Variants in IPO8 observed in about 807,000 individuals in gnomAD.
The protein encoded by IPO8 is importin-8.
IPO8 carries 65 observed loss-of-function variants against 141.2 expected under a neutral mutation model. That is an observed-to-expected ratio of 0.46 (90% CI 0.38 to 0.57). The LOEUF is 0.57. IPO8 is among the 20% of genes least tolerant of loss of function. IPO8 has a pLI of 0.00. For missense variants in IPO8, 980 were observed against 1,246.8 expected (o/e 0.79, Z 3.22); for synonymous variants, 411 against 420.3 (o/e 0.98, Z 0.27).
At position 30,652,240 on chromosome 12, in the gene IPO8, T is replaced by C. The variant is rs1360716796; in HGVS notation, c.2124A>G (p.Leu708=). The C allele has an allele frequency of 1.2e-6, 2 of 1,605,788 alleles. 1 individual carries two copies. Among genetic ancestry groups the C allele is most frequent in the South Asian group, 2.2e-5 (2 of 90,774 alleles). Residue 708 remains leucine (L), a synonymous_variant, in exon 19 of 25, where the codon TTA becomes TTG. Transcript: ENST00000256079. ...TTTCTAAATGTTTTGCATTTGATAGTAAGGTATCTGTATCTATTGTCACAT... is the reference window on the plus strand; with the variant it reads ...TTTCTAAATGTTTTGCATTTGATAGCAAGGTATCTGTATCTATTGTCACAT... ...HNYVTIDTDT[L]LSNAKHLEIL... is the part of the protein sequence containing the mutation.
chr12:30,677,000 CATA>C (rs1487618810), intron 5 of IPO8: 8 of 1,518,464 alleles, frequency 5.3e-6, no homozygotes, highest in African/African-American at 2.7e-5. Flanking sequence ...TACACTGTAG[CATA>C]ATAACTACAG....
intron 20 of IPO8, among the ~76,000 whole-genome samples, chr12:30,642,865 C>A (rs939887963): frequency 3.3e-5 from 5 of 151,952 alleles, no homozygotes; most frequent in Admixed American, 1.3e-4. Flanking sequence ...AAGACAAATT[C>A]AAGAGGCTCC....
At chr12:30,656,165 T>C (rs1302359699) in intron 17 of IPO8, among the ~76,000 whole-genome samples, 1 of 152,084 alleles carries the variant, frequency 6.6e-6, no homozygotes, top group Non-Finnish European at 1.5e-5. Context: ...GCCTACAGAG[T>C]AGCTGGCACC....
intron 14 of IPO8, among the ~76,000 whole-genome samples, chr12:30,662,813 T>G (rs11051015): frequency 7.6e-4 from 116 of 152,176 alleles, no homozygotes; most frequent in Non-Finnish European, 1.4e-3. Flanking sequence ...CATGAATCAG[T>G]TCTCATGACA....
At chr12:30,648,968 G>A (rs149133254) in intron 20 of IPO8, among the ~76,000 whole-genome samples, 169 bp downstream of exon 20, 6 of 152,048 alleles carry the variant, frequency 3.9e-5, no homozygotes, top group South Asian at 2.1e-4. Flanking sequence ...TGCAAGGTAC[G>A]GTTTCCAAAC....
chr12:30,645,803 T>C (rs1055462383), intron 20 of IPO8, among the ~76,000 whole-genome samples: 17 of 151,902 alleles, frequency 1.1e-4, no homozygotes, highest in Non-Finnish European at 2.4e-4. Flanking sequence ...TAAAAAGAAA[T>C]GTAAACTACG....
At chr12:30,664,172 A>T (rs1344959516) in intron 13 of IPO8, among the ~76,000 whole-genome samples, 2 of 152,196 alleles carry the variant, frequency 1.3e-5, no homozygotes, top group African/African-American at 4.8e-5. Flanking sequence ...ATCAAACACA[A>T]TCAACAGAAA....
Position 30,662,449 on chromosome 12 carries a change from G to A in IPO8, c.1633C>T (p.Gln545Ter). 1 of 1,612,438 alleles carries A rather than the reference G, an allele frequency of 6.2e-7. No individual in the cohort carries two copies. Among genetic ancestry groups the A allele is most frequent in the South Asian group, 1.1e-5 (1 of 91,054 alleles). Residue 545 changes from glutamine to a stop codon, truncating the protein, a stop_gained, in exon 15 of 25, where the codon CAG (glutamine) becomes TAG (stop). Coordinates refer to ENST00000256079, the MANE Select transcript of IPO8 (RefSeq NM_006390.4). LOFTEE classifies it high-confidence loss of function. ...YMKPHVRPIM[Q>*]ELLHIVRETE... is the part of the protein sequence containing the mutation. ...TCTCTAACAATGTGCAACAGTTCCT[G>A]CATAATAGGCCTCACATGTGGCTTC...
At chr12:30,631,024 T>C (rs1591947112) in intron 24 of IPO8, 67 bp from the exon 25 acceptor site, 1 of 1,210,448 alleles carries the variant, frequency 8.3e-7, no homozygotes, top group South Asian at 1.3e-5. Flanking sequence ...AAGTTGGAGA[T>C]GACTCAAAGG....
chr12:30,662,660 T>C, intron 14 of IPO8, 173 bp from the exon 15 acceptor site: 1 of 636,684 alleles, frequency 1.6e-6, no homozygotes, highest in South Asian at 1.8e-5. Flanking sequence ...CACCAATATA[T>C]CAGTTTCCCA....
At chr12:30,664,463 A>G (rs1398554538) in intron 13 of IPO8, among the ~76,000 whole-genome samples, 1 of 152,250 alleles carries the variant, frequency 6.6e-6, no homozygotes, top group Non-Finnish European at 1.5e-5. Flanking sequence ...TCCATAAAAT[A>G]TATTGATTCT....
chr12:30,676,410 C>A, intron 6 of IPO8, 88 bp downstream of exon 6: 1 of 597,092 alleles, frequency 1.7e-6, no homozygotes, highest in Non-Finnish European at 2.8e-6. Flanking sequence ...TAAATTTTTT[C>A]AAAGAGCAGT....
At chr12:30,693,559 T>C (rs886123146) in intron 1 of IPO8, among the ~76,000 whole-genome samples, 2 of 152,212 alleles carry the variant, frequency 1.3e-5, no homozygotes, top group Non-Finnish European at 2.9e-5. Flanking sequence ...TAACCACTTA[T>C]GGTGATTTAC....
chr12:30,679,223 A>G (rs1489983690), intron 5 of IPO8, among the ~76,000 whole-genome samples: 1 of 152,158 alleles, frequency 6.6e-6, no homozygotes, highest in Admixed American at 6.5e-5. Flanking sequence ...GTGGCTCCTA[A>G]TGCCTTCTAA....
chr12:30,686,721 G>A (rs1049102700), intron 2 of IPO8: 1 of 151,988 alleles, frequency 6.6e-6, no homozygotes, highest in Non-Finnish European at 1.5e-5. Flanking sequence ...TATAGAACTA[G>A]TCTTGAAAAC....
intron 22 of IPO8, among the ~76,000 whole-genome samples, chr12:30,636,650 T>C (rs2052506008): frequency 6.6e-6 from 1 of 152,152 alleles, no homozygotes; most frequent in Non-Finnish European, 1.5e-5. Context: ...GATGAGGCTG[T>C]TAGCACAAAC....
chr12:30,634,823 T>C (rs2052479353), intron 22 of IPO8, among the ~76,000 whole-genome samples: 1 of 152,076 alleles, frequency 6.6e-6, no homozygotes, highest in Non-Finnish European at 1.5e-5. Context: ...CACTTCAGGA[T>C]ATATATCTAA....
chr12:30,685,787 T>C (rs1302867168), intron 2 of IPO8, among the ~76,000 whole-genome samples: 3 of 150,400 alleles, frequency 2.0e-5, no homozygotes, highest in Middle Eastern at 3.5e-3. Flanking sequence ...TAGCCAAGCA[T>C]GGTGGCAGGT....
At position 30,665,805 on chromosome 12, in the gene IPO8, G is replaced by C. The variant is rs966328473; in HGVS notation, c.1262C>G (p.Thr421Arg). 1 of 1,613,656 alleles carries C rather than the reference G, an allele frequency of 6.2e-7. No individual in the cohort carries two copies. Among genetic ancestry groups the C allele is most frequent in the East Asian group, 2.2e-5 (1 of 44,808 alleles). ...CTTCCTAGGGTCAAAGTTCGGGTCT[G>C]TCAGGATTTGATAACAGAATGCCAT... ...KMMAFCYQIL[T>R]DPNFDPRKKD... is the part of the protein sequence containing the mutation. The change falls in exon 12 of 25, where the codon ACA becomes AGA. Residue 421 changes from threonine to arginine, a missense_variant. This residue lies in a region of IPO8 where 924 missense variants were observed against 1,153.9 expected (regional missense o/e 0.80). Transcript: ENST00000256079.
Sources: gnomAD v4.1 joint callset for allele counts (sites outside exome capture counted in the v4.1 genomes callset) on GRCh38, gnomAD v4.1.1 for gene constraint, gnomAD v4.1.1 regional missense constraint, MANE v1.5 for transcripts, NCBI Gene and HGNC (gene_info 2026-07-23, HGNC 2026-07-21) for gene names.